The following VEZT variants were observed in gnomAD, a reference collection of about 807,000 sequenced individuals.
VEZT encodes the protein vezatin, adherens junctions transmembrane protein, also known as vezatin.
Under a neutral mutation model 79.9 loss-of-function variants are expected in VEZT, and 39 were observed. The observed-to-expected ratio is 0.49, with a 90% CI of 0.38 to 0.64. The LOEUF is 0.64. Among genes scored for constraint, VEZT ranks in the 30% least tolerant of loss-of-function variants. The probability of loss-of-function intolerance (pLI) is 0.00; values close to 1 mark genes in which losing one functional copy is unlikely to be tolerated. For synonymous variants in VEZT, 325 were observed against 327.6 expected, an observed-to-expected ratio of 0.99 and a Z score of 0.09; for missense variants, 837 against 893.1, an observed-to-expected ratio of 0.94 and a Z score of 0.80.
intron 6 of VEZT, among the ~76,000 whole-genome samples, chr12:95,273,090 T>G (rs1317731574): frequency 6.6e-6 from 1 of 152,196 alleles, no homozygotes; most frequent in East Asian, 1.9e-4. Flanking sequence ...ATTTTAAAAC[T>G]TGAAGAGATT....
chr12:95,252,037 G>A lies in VEZT; in HGVS notation c.134G>A (p.Gly45Glu), dbSNP rs1199010848. 4.3e-6 allele frequency: 7 copies of A among 1,611,430 alleles called. No individual in the cohort carries two copies. The highest frequency in any genetic ancestry group is 5.9e-6 in the Non-Finnish European group (7 of 1,178,948). The change falls in exon 2 of 12, where the codon GGA (glycine) becomes GAA (glutamate). Residue 45 changes from glycine to glutamate, a missense_variant. By Grantham distance (98) the Gly-to-Glu change is moderately conservative (BLOSUM62 -2). Coordinates refer to ENST00000436874, the MANE Select transcript of VEZT (RefSeq NM_017599.4). ...AAAACAGAAAAATGCACAACAGAGG[G>A]ACAACAAAAGCCTCCTACAAGAGTC... Reference protein sequence around the residue: ...SPKTEKCTTEGQQKPPTRVLP... With the variant: ...SPKTEKCTTEEQQKPPTRVLP...
At chr12:95,224,571 G>A (rs1013608830) in intron 1 of VEZT, among the ~76,000 whole-genome samples, 3 of 152,140 alleles carry the variant, frequency 2.0e-5, no homozygotes, top group African/African-American at 7.2e-5. Context: ...TATGAGACCT[G>A]TAACCCCCTC....
chr12:95,284,482 A>G (rs1306679665), intron 8 of VEZT, among the ~76,000 whole-genome samples: 2 of 152,174 alleles, frequency 1.3e-5, no homozygotes, highest in Non-Finnish European at 2.9e-5. Flanking sequence ...ACTGAGGCAT[A>G]TATTTGCTTT....
Position 95,266,692 on chromosome 12 carries a change from A to G in VEZT, c.710+60A>G, listed in dbSNP as rs371266766. On this transcript the variant is annotated intron_variant, in intron 5 of 11. Coordinates refer to ENST00000436874, the MANE Select transcript of VEZT (RefSeq NM_017599.4). ...TATTTTCTATTCCATAAAGGAGAAT[A>G]TTTATTACCTATTTTCATTTCTATG... 1.6e-4 allele frequency: 234 copies of G among 1,440,112 alleles called. No individual in the cohort carries two copies. The East Asian group carries it at 2.6e-3, about 16-fold the overall frequency. The allele number at this position is 1,440,112 out of a possible 1,614,324, so 89.2% of individuals were successfully genotyped here.
chr12:95,292,095 C>T (rs548345573), intron 9 of VEZT, among the ~76,000 whole-genome samples: 15 of 152,236 alleles, frequency 9.9e-5, no homozygotes, highest in South Asian at 6.2e-4. Flanking sequence ...CCACCACATC[C>T]GGCCTCTTGC....
intron 7 of VEZT, among the ~76,000 whole-genome samples, chr12:95,280,821 T>A (rs927858368): frequency 1.3e-5 from 2 of 152,146 alleles, no homozygotes; most frequent in African/African-American, 2.4e-5. Context: ...ATAAAAATCA[T>A]TGTAATCATA....
chr12:95,226,021 G>C (rs61937952), intron 1 of VEZT, among the ~76,000 whole-genome samples: 2 of 151,208 alleles, frequency 1.3e-5, no homozygotes, highest in Non-Finnish European at 2.9e-5. Context: ...CTTAAACCCA[G>C]GAGTTCAAGG....
chr12:95,255,812 T>C (rs2063382021), intron 2 of VEZT, among the ~76,000 whole-genome samples: 1 of 152,232 alleles, frequency 6.6e-6, no homozygotes, highest in Non-Finnish European at 1.5e-5. Context: ...ATTATTTTTC[T>C]TTATTGTTTC....
At chr12:95,244,774 G>T (rs2061502757) in intron 1 of VEZT, among the ~76,000 whole-genome samples, 1 of 138,502 alleles carries the variant, frequency 7.2e-6, no homozygotes, top group Non-Finnish European at 1.6e-5. Flanking sequence ...ATTTTTTTTG[G>T]TGTGTTTTTT....
intron 1 of VEZT, among the ~76,000 whole-genome samples, chr12:95,222,425 T>A (rs935551912): frequency 6.6e-6 from 1 of 152,196 alleles, no homozygotes; most frequent in Non-Finnish European, 1.5e-5. Flanking sequence ...TGAACTGTAG[T>A]GTTGCCTTTG....
chr12:95,265,415 T>C (rs1270491126), intron 4 of VEZT, among the ~76,000 whole-genome samples: 2 of 149,910 alleles, frequency 1.3e-5, no homozygotes, highest in East Asian at 3.9e-4. Flanking sequence ...TCATTTCTAA[T>C]TGGAAAAATG....
chr12:95,253,937 A>G (rs889536256), intron 2 of VEZT, among the ~76,000 whole-genome samples: 1 of 152,098 alleles, frequency 6.6e-6, no homozygotes, highest in Admixed American at 6.5e-5. Context: ...CCATCTCAAA[A>G]AAATTATCAT....
At chr12:95,260,601 ACT>A (rs2064267165) in intron 3 of VEZT, among the ~76,000 whole-genome samples, 3 of 152,014 alleles carry the variant, frequency 2.0e-5, no homozygotes, top group Admixed American at 2.0e-4. Context: ...TGGCTTTTCC[ACT>A]CTCTGTCAGC....
Position 95,282,424 on chromosome 12 carries a change from C to T in VEZT, c.1108C>T (p.Pro370Ser). The T allele has an allele frequency of 6.2e-7, 1 of 1,613,956 alleles. No individual in the cohort carries two copies. Among genetic ancestry groups the T allele is most frequent in the South Asian group, 1.1e-5 (1 of 91,080 alleles). ...PGPLLTPALL[P>S]HRILSDVTQG... ...GCCCTTACTTACTCCAGCACTTCTG[C>T]CTCATCGTATCTTATCTGATGTGAC... Residue 370 changes from proline (P) to serine (S), a missense_variant, in exon 8 of 12, where the codon CCT becomes TCT. Physicochemically the swap from Pro to Ser is moderately conservative, Grantham distance 74. Transcript: ENST00000436874.
At chr12:95,291,908 C>G (rs1201722893) in intron 9 of VEZT, among the ~76,000 whole-genome samples, 1 of 152,154 alleles carries the variant, frequency 6.6e-6, no homozygotes, top group African/African-American at 2.4e-5. Flanking sequence ...AAATGATCCT[C>G]CTGCCTCAGC....
Position 95,240,072 on chromosome 12 carries a change from G to GAAA in VEZT, c.37-11868_37-11867insAAA, listed in dbSNP as rs1566041511. 1.6e-3 allele frequency among the ~76,000 whole-genome samples: 126 copies of GAAA among 79,032 alleles called. 2 individuals carry two copies. Among genetic ancestry groups the GAAA allele is most frequent in the Middle Eastern group, 5.6e-3 (1 of 178 alleles). The allele number at this position is 79,032 out of a possible 152,430, so 51.8% of individuals were successfully genotyped here. Reference sequence around the variant, plus strand: ...AGGAAGGAAGGAAGGAAGGAAGGAAGGAAGAAAAGAAAGAGGAAAACAGAA... The same window carrying GAAA: ...AGGAAGGAAGGAAGGAAGGAAGGAAGAAAGAAGAAAAGAAAGAGGAAAACAGAA... On this transcript the variant is annotated intron_variant, in intron 1 of 11. Coordinates refer to ENST00000436874, the MANE Select transcript of VEZT (RefSeq NM_017599.4).
At chr12:95,242,093 A>G (rs539463042) in intron 1 of VEZT, 15 of 152,364 alleles carry the variant, frequency 9.8e-5, no homozygotes, top group Middle Eastern at 6.8e-3. Flanking sequence ...TACACATGTG[A>G]TTAACTCATA....
chr12:95,251,823 G>A, intron 1 of VEZT, 117 bp from the exon 2 acceptor site: 1 of 794,786 alleles, frequency 1.3e-6, no homozygotes, highest in Middle Eastern at 2.4e-4. Flanking sequence ...TATAGAAGAA[G>A]CCTTAAAGAA....
chr12:95,226,627 T>C (rs2058529614), intron 1 of VEZT, among the ~76,000 whole-genome samples: 1 of 151,628 alleles, frequency 6.6e-6, no homozygotes, highest in Non-Finnish European at 1.5e-5. Context: ...TATTTGTAAA[T>C]TTTACTGTAC....
Sources: gnomAD v4.1 joint callset for allele counts (sites outside exome capture counted in the v4.1 genomes callset) on GRCh38, gnomAD v4.1.1 for gene constraint, MANE v1.5 for transcripts, NCBI Gene and HGNC (gene_info 2026-07-23, HGNC 2026-07-21) for gene names.